ADGRL2: variants seen among roughly 807,000 people sequenced by gnomAD.
ADGRL2 encodes the protein adhesion G protein-coupled receptor L2.
A neutral mutation model predicts 157.4 loss-of-function variants in ADGRL2; 44 were observed. The observed-to-expected ratio is 0.28, with a 90% CI of 0.22 to 0.36. ADGRL2 has a LOEUF of 0.36. ADGRL2 is among the 10% of genes least tolerant of loss of function. The pLI, the probability that ADGRL2 is intolerant of heterozygous loss-of-function variation, is 1.00. For missense variants in ADGRL2, 1,510 were observed against 1,768.9 expected (o/e 0.85, Z 2.63); for synonymous variants, 585 against 624.7 (o/e 0.94, Z 0.95).
chr1:81,890,426 G>A (rs1284888763), intron 2 of ADGRL2, among the ~76,000 whole-genome samples: 2 of 152,098 alleles, frequency 1.3e-5, no homozygotes, highest in African/African-American at 4.8e-5. Flanking sequence ...ATTTATTTTT[G>A]GAAAAACAGT....
At chr1:81,783,863 A>G (rs1393398071) in intron 2 of ADGRL2, among the ~76,000 whole-genome samples, 1 of 152,230 alleles carries the variant, frequency 6.6e-6, no homozygotes, top group Non-Finnish European at 1.5e-5. Flanking sequence ...TATTAAAGAT[A>G]CTAAAATAAT....
chr1:81,326,462 C>T (rs1660907460), intron 1 of ADGRL2, among the ~76,000 whole-genome samples: 1 of 152,198 alleles, frequency 6.6e-6, no homozygotes, highest in Admixed American at 6.5e-5. Flanking sequence ...ACACTAAACA[C>T]AAACGTTGTT....
intron 1 of ADGRL2, among the ~76,000 whole-genome samples, chr1:81,359,814 T>G (rs1465564846): frequency 6.6e-6 from 1 of 151,880 alleles, no homozygotes; most frequent in Non-Finnish European, 1.5e-5. Flanking sequence ...AAACCACCAT[T>G]CACTTTCTGA....
chr1:81,784,958 T>G (rs982209826), intron 2 of ADGRL2, among the ~76,000 whole-genome samples: 3 of 152,128 alleles, frequency 2.0e-5, no homozygotes, highest in Non-Finnish European at 4.4e-5. Context: ...GAAGACAAAA[T>G]TTTTGTAAGC....
chr1:81,449,247 G>A (rs2077661396), intron 2 of ADGRL2, among the ~76,000 whole-genome samples: 1 of 151,496 alleles, frequency 6.6e-6, no homozygotes, highest in Non-Finnish European at 1.5e-5. Context: ...TCCAGGGTCT[G>A]TGTAATACTT....
At chr1:81,771,234 G>C (rs1425293584) in intron 2 of ADGRL2, among the ~76,000 whole-genome samples, 1 of 152,084 alleles carries the variant, frequency 6.6e-6, no homozygotes, top group Non-Finnish European at 1.5e-5. Flanking sequence ...AGTTTGCTTT[G>C]AGTTTTTATC....
chr1:81,340,518 G>T (rs1661994944), intron 1 of ADGRL2, among the ~76,000 whole-genome samples: 1 of 152,114 alleles, frequency 6.6e-6, no homozygotes, highest in Admixed American at 6.6e-5. Flanking sequence ...TTAAATTGCA[G>T]TGTCAAAGGA....
At chr1:81,812,270 CT>C (rs2089952868) in intron 1 of ADGRL2, among the ~76,000 whole-genome samples, 1 of 151,686 alleles carries the variant, frequency 6.6e-6, no homozygotes, top group African/African-American at 2.4e-5. Context: ...TGACATTTCC[CT>C]TTGAAAGTTA....
In ADGRL2 at chr1:81,944,563, TGAA is replaced by T. The variant is rs555945370; in HGVS notation, c.1210+795_1210+797del. On this transcript the variant is annotated intron_variant, in intron 6 of 23. Coordinates refer to ENST00000686636, the MANE Select transcript of ADGRL2 (RefSeq NM_001366006.2). The stretch of plus-strand genomic sequence containing the variant: ...AAACAAGATTATCTCATACTCATGA[TGAA>T]AGAATAATTTGTTAATGTATTATTA... Among the ~76,000 whole-genome samples the T allele has an allele frequency of 3.8e-4, 58 of 152,216 alleles. 1 individual carries two copies. Among genetic ancestry groups the T allele is most frequent in the Admixed American group, 3.7e-3 (56 of 15,264 alleles).
intron 1 of ADGRL2, among the ~76,000 whole-genome samples, chr1:81,314,913 T>A (rs1031436655): frequency 6.6e-6 from 1 of 152,190 alleles, no homozygotes; most frequent in East Asian, 1.9e-4. Context: ...AATTGATACA[T>A]ATATTGACAT....
At chr1:81,460,576 G>A (rs2077905446) in intron 2 of ADGRL2, among the ~76,000 whole-genome samples, 1 of 151,916 alleles carries the variant, frequency 6.6e-6, no homozygotes. Context: ...GATTCCCTAG[G>A]CCTGAGTTCA....
intron 1 of ADGRL2, among the ~76,000 whole-genome samples, chr1:81,406,810 T>A (rs1322334804): frequency 6.6e-6 from 1 of 152,116 alleles, no homozygotes; most frequent in Non-Finnish European, 1.5e-5. Flanking sequence ...AAAAGGGGAC[T>A]CTGGAGGTTA....
At chr1:81,445,166 C>T (rs911729283) in intron 2 of ADGRL2, 1 of 152,124 alleles carries the variant, frequency 6.6e-6, no homozygotes, top group Admixed American at 6.5e-5. Context: ...AATGTATTTG[C>T]TTTATCTATT....
intron 1 of ADGRL2, among the ~76,000 whole-genome samples, chr1:81,323,343 A>G (rs886520368): frequency 6.6e-6 from 1 of 151,894 alleles, no homozygotes; most frequent in African/African-American, 2.4e-5. Context: ...GGGCTCATGC[A>G]ACCCTCCCAC....
chr1:81,932,213 G>A (rs999100677), intron 3 of ADGRL2, among the ~76,000 whole-genome samples: 5 of 151,864 alleles, frequency 3.3e-5, no homozygotes, highest in African/African-American at 9.7e-5. Flanking sequence ...TTAGTGTTTC[G>A]TTAGCACATT....
chr1:81,581,869 TGCGC>T (rs58154937), intron 3 of ADGRL2, among the ~76,000 whole-genome samples: 3 of 97,596 alleles, frequency 3.1e-5, no homozygotes, highest in East Asian at 4.4e-4. Context: ...ACCACACACA[TGCGC>T]GCACACACAC....
intron 3 of ADGRL2, among the ~76,000 whole-genome samples, chr1:81,908,659 A>G (rs1313829079): frequency 4.6e-5 from 7 of 152,150 alleles, no homozygotes; most frequent in African/African-American, 1.2e-4. Context: ...CAAAGTGGCT[A>G]TACCACTTTC....
At chr1:81,627,325 G>GC (rs1313512487) in intron 3 of ADGRL2, among the ~76,000 whole-genome samples, 3 of 152,066 alleles carry the variant, frequency 2.0e-5, no homozygotes. Context: ...AAGGTTCCCT[G>GC]CCCCAGAATA....
At chr1:81,567,883 A>G in intron 2 of ADGRL2, among the ~76,000 whole-genome samples, 1 of 152,112 alleles carries the variant, frequency 6.6e-6, no homozygotes, top group East Asian at 1.9e-4. Context: ...TATTCCTGCA[A>G]GACTTAAACT....
Sources: allele counts gnomAD v4.1 joint callset (sites outside exome capture counted in the v4.1 genomes callset), GRCh38; gene constraint gnomAD v4.1.1; transcripts MANE v1.5; gene names NCBI Gene and HGNC (gene_info 2026-07-23, HGNC 2026-07-21).